Variants in ADAMTSL1 observed in about 807,000 individuals in gnomAD.
ADAMTSL1 encodes ADAMTS-like protein 1.
A neutral mutation model predicts 201.8 loss-of-function variants in ADAMTSL1; 126 were observed. The ratio of observed to expected loss-of-function variants is 0.62; its 90% CI spans 0.54 to 0.72. ADAMTSL1 has a LOEUF of 0.72. ADAMTSL1 is among the 30% of genes least tolerant of loss of function. The pLI is 0.00. For missense variants in ADAMTSL1, 2,679 were observed against 2,277.8 expected, an observed-to-expected ratio of 1.18 and a Z score of -3.59; for synonymous variants, 1,121 against 903.4, an observed-to-expected ratio of 1.24 and a Z score of -4.32.
chr9:18,101,514 AAAGC>A (rs970698821), intron 1 of ADAMTSL1, among the ~76,000 whole-genome samples: 2 of 152,030 alleles, frequency 1.3e-5, no homozygotes, highest in Admixed American at 6.5e-5. Flanking sequence ...AAAAAAAAGA[AAAGC>A]AAGAAAAAGA....
intron 26 of ADAMTSL1, among the ~76,000 whole-genome samples, chr9:18,897,352 T>C (rs1829708761): frequency 6.6e-6 from 1 of 152,104 alleles, no homozygotes; most frequent in Admixed American, 6.5e-5. Context: ...GCACAGCTGT[T>C]CTACCAAAAA....
intron 1 of ADAMTSL1, among the ~76,000 whole-genome samples, chr9:18,121,015 T>C (rs1278187558): frequency 2.6e-5 from 4 of 151,928 alleles, no homozygotes; most frequent in African/African-American, 4.9e-5. Flanking sequence ...TTATTTTTTT[T>C]CCCCTTACAA....
At chr9:17,930,071 A>G (rs1826715620) in intron 1 of ADAMTSL1, among the ~76,000 whole-genome samples, 1 of 152,182 alleles carries the variant, frequency 6.6e-6, no homozygotes, top group African/African-American at 2.4e-5. Flanking sequence ...AGCAGCACCT[A>G]TGTTCGTATG....
At chr9:18,594,583 G>T (rs1469461608) in intron 4 of ADAMTSL1, among the ~76,000 whole-genome samples, 1 of 152,016 alleles carries the variant, frequency 6.6e-6, no homozygotes, top group Non-Finnish European at 1.5e-5. Flanking sequence ...TCTTCTGTTT[G>T]ATTAATCCAG....
chr9:18,802,215 G>C (rs1172190794), intron 20 of ADAMTSL1, among the ~76,000 whole-genome samples: 2 of 152,150 alleles, frequency 1.3e-5, no homozygotes, highest in African/African-American at 2.4e-5. Context: ...GGTTGAGGCT[G>C]CAGTGAGCCA....
intron 18 of ADAMTSL1, among the ~76,000 whole-genome samples, 155 bp downstream of exon 18, chr9:18,776,051 G>T (rs1163623884): frequency 6.6e-6 from 1 of 152,184 alleles, no homozygotes; most frequent in Non-Finnish European, 1.5e-5. Flanking sequence ...CTCAGCTGGA[G>T]ACGGAAAAGG....
At chr9:18,675,054 A>G (rs1830059146) in intron 9 of ADAMTSL1, among the ~76,000 whole-genome samples, 1 of 152,156 alleles carries the variant, frequency 6.6e-6, no homozygotes, top group African/African-American at 2.4e-5. Flanking sequence ...CCTATGATAT[A>G]TCTTGTGGAT....
At chr9:17,954,127 G>A (rs922769626) in intron 1 of ADAMTSL1, among the ~76,000 whole-genome samples, 14 of 152,146 alleles carry the variant, frequency 9.2e-5, no homozygotes, top group African/African-American at 3.1e-4. Context: ...ACCTCATGTG[G>A]GATCTTCATG....
chr9:18,265,050 C>A (rs1832068757), intron 2 of ADAMTSL1, among the ~76,000 whole-genome samples: 1 of 152,194 alleles, frequency 6.6e-6, no homozygotes, highest in South Asian at 2.1e-4. Context: ...AACGTTTACA[C>A]TGGTGTTAGT....
At chr9:18,658,275 A>T (rs949904652) in intron 8 of ADAMTSL1, among the ~76,000 whole-genome samples, 3 of 152,158 alleles carry the variant, frequency 2.0e-5, no homozygotes, top group African/African-American at 7.2e-5. Flanking sequence ...TGCCCGACCG[A>T]GGAAACAGTC....
At chr9:18,462,855 C>T (rs1406049990) in intron 2 of ADAMTSL1, among the ~76,000 whole-genome samples, 1 of 152,038 alleles carries the variant, frequency 6.6e-6, no homozygotes, top group Non-Finnish European at 1.5e-5. Context: ...AGGAGAATCA[C>T]TTGAACCCAG....
At chr9:18,502,682 T>C (rs1822905473) in intron 1 of ADAMTSL1, among the ~76,000 whole-genome samples, 2 of 152,174 alleles carry the variant, frequency 1.3e-5, no homozygotes. Flanking sequence ...GGCTCCGTTA[T>C]CCATGCTTTG....
upstream of ADAMTSL1, among the ~76,000 whole-genome samples, chr9:18,469,499 C>T (rs183245768): frequency 1.3e-5 from 2 of 152,318 alleles, no homozygotes; most frequent in East Asian, 3.9e-4. Context: ...GAAAAAGACT[C>T]CAACTTGAGC....
chr9:18,741,064 A>T (rs982256354), intron 15 of ADAMTSL1, among the ~76,000 whole-genome samples: 2 of 152,166 alleles, frequency 1.3e-5, no homozygotes, highest in African/African-American at 4.8e-5. Context: ...AATAGGGTAG[A>T]GGTCTGACTC....
chr9:17,939,062 G>A (rs550094067), intron 1 of ADAMTSL1, among the ~76,000 whole-genome samples: 5 of 152,174 alleles, frequency 3.3e-5, no homozygotes, highest in African/African-American at 9.6e-5. Flanking sequence ...ATATCCATTG[G>A]TTTTTTGCCA....
rs532661288 is a variant in ADAMTSL1, at chr9:18,910,810, T to C, written c.*2262T>C. ...TTGCATGAAATGAATGTACATTTAATGTTTGTTCTGTGAATTGCAACTCAG... is the reference window on the plus strand; with the variant it reads ...TTGCATGAAATGAATGTACATTTAACGTTTGTTCTGTGAATTGCAACTCAG... On this transcript the variant is annotated 3_prime_UTR_variant, in exon 29 of 29. Transcript: ENST00000380548. 21 of 152,370 alleles carry C rather than the reference T, an allele frequency of 1.4e-4. No individual in the cohort carries two copies. Among genetic ancestry groups the C allele is most frequent in the African/African-American group, 5.0e-4 (21 of 41,594 alleles). 9.4% of individuals were successfully genotyped at this position (152,370 alleles called of 1,614,324 possible). A position where few individuals can be genotyped will look rare whatever the true frequency, so the allele number is the denominator to read the frequency against.
chr9:18,329,961 A>G (rs955193581), intron 2 of ADAMTSL1, among the ~76,000 whole-genome samples: 8 of 152,158 alleles, frequency 5.3e-5, no homozygotes, highest in Admixed American at 5.2e-4. Flanking sequence ...GATTATCTGT[A>G]TATGTCATAT....
At chr9:18,210,873 A>C (rs1202806574) in intron 2 of ADAMTSL1, among the ~76,000 whole-genome samples, 1 of 152,052 alleles carries the variant, frequency 6.6e-6, no homozygotes, top group Non-Finnish European at 1.5e-5. Context: ...CACAGAAGTA[A>C]AATTTGTCAC....
intron 16 of ADAMTSL1, among the ~76,000 whole-genome samples, chr9:18,761,797 C>A (rs1820085239): frequency 2.0e-5 from 3 of 152,150 alleles, no homozygotes; most frequent in Admixed American, 6.5e-5. Context: ...TTCATCAATG[C>A]AAACACACTG....
Sources: gnomAD v4.1 joint callset for allele counts (sites outside exome capture counted in the v4.1 genomes callset) on GRCh38, gnomAD v4.1.1 for gene constraint, MANE v1.5 for transcripts, NCBI Gene and HGNC (gene_info 2026-07-23, HGNC 2026-07-21) for gene names.